CHODL: variants seen among roughly 807,000 people sequenced by gnomAD.
The protein encoded by CHODL is transmembrane protein MT75.
Under a neutral mutation model 34.5 loss-of-function variants are expected in CHODL, and 29 were observed. The observed-to-expected ratio is 0.84, with a 90% confidence interval of 0.63 to 1.15. CHODL has a LOEUF of 1.15. CHODL is among the 50% of genes most tolerant of loss of function. The pLI is 0.00. For missense variants in CHODL, 332 were observed against 332.5 expected (o/e 1.00, Z 0.01); for synonymous variants, 125 against 116.1 (o/e 1.08, Z -0.49).
At chr21:17,926,501 G>A (rs2063224317) in intron 1 of CHODL, among the ~76,000 whole-genome samples, 1 of 152,022 alleles carries the variant, frequency 6.6e-6, no homozygotes, top group South Asian at 2.1e-4. Flanking sequence ...TTGCTGGGGA[G>A]GCCTCAGGAA....
intron 1 of CHODL, among the ~76,000 whole-genome samples, chr21:17,996,072 C>T (rs1052876027): frequency 2.0e-5 from 3 of 151,782 alleles, no homozygotes; most frequent in African/African-American, 7.3e-5. Flanking sequence ...TTTGACTCAT[C>T]ATTTATTTTT....
intron 2 of CHODL, among the ~76,000 whole-genome samples, chr21:18,116,914 T>C (rs2065420118): frequency 6.6e-6 from 1 of 152,194 alleles, no homozygotes; most frequent in Non-Finnish European, 1.5e-5. Context: ...GCTAACAAGT[T>C]GGAGCACCAA....
In CHODL at chr21:18,151,082, CAAAAAA is replaced by C. The variant is rs61176066; in HGVS notation, c.-44-105409_-44-105404del. ...TGGGCGACAGAGCGAGACTCTGTGT[CAAAAAA>C]AAAAAAAAAAAAAAAAAGAAAGAAA... On this transcript the variant is annotated intron_variant, in intron 2 of 6. Coordinates refer to the CHODL transcript ENST00000400127. 7.8e-3 allele frequency among the ~76,000 whole-genome samples: 956 copies of C among 122,948 alleles called. 6 individuals are homozygous for C. The highest frequency in any genetic ancestry group is 0.017 in the African/African-American group (499 of 30,040). The allele number at this position is 122,948 out of a possible 152,430, so 80.7% of individuals were successfully genotyped here.
rs1009892939 is a variant in CHODL at position 17,955,505 on chromosome 21, A to T, written c.-145+38105A>T. ...TTTTTTTCCTCTTGGAAACACCTTT[A>T]GTTTTCAGGAGAGTCCTAGGAATAT... On this transcript the variant is annotated intron_variant, in intron 1 of 6. Coordinates refer to the CHODL transcript ENST00000400127. Among the ~76,000 whole-genome samples the T allele has an allele frequency of 5.9e-5, 8 of 136,746 alleles. 2 individuals carry two copies. Among genetic ancestry groups the T allele is most frequent in the African/African-American group, 2.0e-4 (8 of 39,884 alleles). 89.7% of individuals were successfully genotyped at this position (136,746 alleles called of 152,430 possible).
intron 1 of CHODL, among the ~76,000 whole-genome samples, chr21:17,978,779 A>G (rs2063691284): frequency 6.6e-6 from 1 of 151,500 alleles, no homozygotes; most frequent in African/African-American, 2.4e-5. Flanking sequence ...CAACCTCTGG[A>G]CTCTTAATGG....
At chr21:18,053,280 A>G (rs1336008801) in intron 2 of CHODL, among the ~76,000 whole-genome samples, 1 of 151,978 alleles carries the variant, frequency 6.6e-6, no homozygotes, top group East Asian at 1.9e-4. Context: ...TTCTCTTGCC[A>G]AAGAACCATA....
At chr21:18,108,837 T>TTGTGTGTGTG (rs68066729) in intron 2 of CHODL, among the ~76,000 whole-genome samples, 26 of 146,272 alleles carry the variant, frequency 1.8e-4, no homozygotes, top group South Asian at 2.2e-4. Context: ...CTTTGCAATG[T>TTGTGTGTGTG]TGTGTGTGTG....
chr21:18,120,228 G>A (rs2065463416), intron 2 of CHODL, among the ~76,000 whole-genome samples: 2 of 151,790 alleles, frequency 1.3e-5, no homozygotes, highest in African/African-American at 4.8e-5. Flanking sequence ...TTTCTGACTT[G>A]TGCAGACACA....
chr21:17,942,564 G>A lies in CHODL; in HGVS notation c.-145+25164G>A, dbSNP rs1476417382. The stretch of plus-strand genomic sequence containing the variant: ...GTATGTCTTTATCAGGAGTGTGAAA[G>A]TGGACTAATAATATATAGTACAAAA... On this transcript the variant is annotated intron_variant, in intron 1 of 6. Coordinates refer to the CHODL transcript ENST00000400127. Among the ~76,000 whole-genome samples the A allele has an allele frequency of 3.3e-5, 5 of 152,200 alleles. No homozygotes were observed. In the East Asian group the frequency reaches 9.6e-4, roughly 29 times the overall value.
At chr21:18,135,507 T>G (rs991922360) in intron 2 of CHODL, among the ~76,000 whole-genome samples, 11 of 152,160 alleles carry the variant, frequency 7.2e-5, no homozygotes, top group African/African-American at 2.7e-4. Context: ...ACTGCCATAT[T>G]TCTCACAACT....
At chr21:18,205,428 A>G (rs1240937144) in intron 2 of CHODL, among the ~76,000 whole-genome samples, 1 of 152,074 alleles carries the variant, frequency 6.6e-6, no homozygotes, top group African/African-American at 2.4e-5. Context: ...TATCCCTGGG[A>G]TAATTCTCAC....
chr21:18,076,024 C>T (rs1331887584), intron 2 of CHODL, among the ~76,000 whole-genome samples: 1 of 152,136 alleles, frequency 6.6e-6, no homozygotes, highest in Non-Finnish European at 1.5e-5. Context: ...TCTCAGCTTC[C>T]AGAACTGAGA....
upstream of CHODL, among the ~76,000 whole-genome samples, chr21:18,243,784 CT>C (rs1214498254): frequency 6.6e-6 from 1 of 152,042 alleles, no homozygotes; most frequent in Non-Finnish European, 1.5e-5. Flanking sequence ...TATTTACTTC[CT>C]TTTTCCAATA....
intron 2 of CHODL, among the ~76,000 whole-genome samples, chr21:18,106,884 A>C (rs2065279893): frequency 1.3e-5 from 2 of 152,204 alleles, no homozygotes; most frequent in South Asian, 4.1e-4. Flanking sequence ...GCCATATACC[A>C]GGCCTTATGG....
At chr21:18,073,682 ATCTT>A (rs1251968666) in intron 2 of CHODL, among the ~76,000 whole-genome samples, 3 of 152,054 alleles carry the variant, frequency 2.0e-5, no homozygotes, top group African/African-American at 7.2e-5. Flanking sequence ...TTCTAAATCT[ATCTT>A]TCAGGAAGGA....
chr21:18,190,695 G>A (rs1213161411), intron 2 of CHODL, among the ~76,000 whole-genome samples: 5 of 152,172 alleles, frequency 3.3e-5, no homozygotes, highest in Admixed American at 3.3e-4. Context: ...CCTCTCTGCA[G>A]TGGTTTGATA....
intron 2 of CHODL, among the ~76,000 whole-genome samples, chr21:18,142,317 TAACCCCCATTTA>T (rs2072813374): frequency 6.6e-6 from 1 of 152,122 alleles, no homozygotes; most frequent in Admixed American, 6.6e-5. Context: ...CAGAACAAAA[TAACCCCCATTTA>T]AATCCTTGAG....
intron 2 of CHODL, among the ~76,000 whole-genome samples, chr21:18,125,086 A>G (rs980254055): frequency 1.9e-4 from 29 of 152,212 alleles, no homozygotes; most frequent in African/African-American, 7.0e-4. Flanking sequence ...TGCAGCTCCA[A>G]CACTCGCTAG....
chr21:18,083,431 C>T (rs766093086), intron 2 of CHODL, among the ~76,000 whole-genome samples: 16 of 152,170 alleles, frequency 1.1e-4, no homozygotes, highest in Non-Finnish European at 1.8e-4. Flanking sequence ...TGGCACACTG[C>T]CTAGTGGAGC....
Sources: allele counts gnomAD v4.1 joint callset (sites outside exome capture counted in the v4.1 genomes callset), GRCh38; gene constraint gnomAD v4.1.1; transcripts MANE v1.5; gene names NCBI Gene and HGNC (gene_info 2026-07-23, HGNC 2026-07-21).